The following NCMAP variants were observed in gnomAD, a reference collection of about 807,000 sequenced individuals.
The protein encoded by NCMAP is noncompact myelin-associated protein.
In NCMAP, 8 loss-of-function variants were observed where a neutral mutation model predicts 7.8. The observed-to-expected ratio is 1.02, with a 90% confidence interval of 0.60 to 1.84. The LOEUF (loss-of-function observed/expected upper bound fraction) is 1.84, where lower values mean the gene tolerates loss of function less well. Among genes scored for constraint, NCMAP ranks in the 40% most tolerant of loss-of-function variants. The pLI, the probability that NCMAP is intolerant of heterozygous loss-of-function variation, is 0.00. For missense variants in NCMAP, 112 were observed against 131.4 expected, an observed-to-expected ratio of 0.85 and a Z score of 0.72; for synonymous variants, 41 against 52.9, an observed-to-expected ratio of 0.78 and a Z score of 0.98.
intron 1 of NCMAP, among the ~76,000 whole-genome samples, chr1:24,582,832 G>A (rs1026521004): frequency 6.6e-6 from 1 of 152,166 alleles, no homozygotes; most frequent in Non-Finnish European, 1.5e-5. Flanking sequence ...GCTTTGCCAT[G>A]TATCAGCACA....
At chr1:24,595,331 A>T in intron 1 of NCMAP, 93 bp from the exon 2 acceptor site, 1 of 812,402 alleles carries the variant, frequency 1.2e-6, no homozygotes, top group Non-Finnish European at 2.0e-6. Context: ...TGAATATTCT[A>T]CAGTCATCCA....
At chr1:24,557,170 G>A (rs1482946070) in intron 1 of NCMAP, among the ~76,000 whole-genome samples, 1 of 152,144 alleles carries the variant, frequency 6.6e-6, no homozygotes, top group Admixed American at 6.5e-5. Flanking sequence ...GCACCAGCAC[G>A]GTGCCCAGCA....
At chr1:24,581,273 C>G (rs1017885282) in intron 1 of NCMAP, among the ~76,000 whole-genome samples, 1 of 152,048 alleles carries the variant, frequency 6.6e-6, no homozygotes, top group Admixed American at 6.5e-5. Context: ...CCCGCCACCA[C>G]GACTGGCTAA....
At chr1:24,565,461 G>C (rs1179178630) in intron 1 of NCMAP, among the ~76,000 whole-genome samples, 3 of 152,090 alleles carry the variant, frequency 2.0e-5, no homozygotes, top group Non-Finnish European at 4.4e-5. Context: ...GTTGGGAGGT[G>C]ACATTGTCTA....
chr1:24,600,804 C>G, intron 2 of NCMAP, 136 bp from the exon 3 acceptor site: 1 of 752,266 alleles, frequency 1.3e-6, no homozygotes, highest in Non-Finnish European at 2.4e-6. Context: ...CTGGGGTCAA[C>G]TGGGAGTGTC....
chr1:24,600,486 A>C (rs1228306026), intron 2 of NCMAP, among the ~76,000 whole-genome samples: 1 of 152,200 alleles, frequency 6.6e-6, no homozygotes, highest in Non-Finnish European at 1.5e-5. Context: ...ACACGATCAC[A>C]TTGGTGAATG....
chr1:24,556,564 G>C (rs1650901933), intron 1 of NCMAP, among the ~76,000 whole-genome samples: 1 of 152,174 alleles, frequency 6.6e-6, no homozygotes. Context: ...TTAAATGGGC[G>C]CCTTGATGGG....
At chr1:24,575,642 C>T (rs1651531389) in intron 1 of NCMAP, among the ~76,000 whole-genome samples, 1 of 152,062 alleles carries the variant, frequency 6.6e-6, no homozygotes, top group Non-Finnish European at 1.5e-5. Flanking sequence ...AGCAATTGCC[C>T]CGTTTTAAAA....
chr1:24,590,601 T>C (rs557947777), intron 1 of NCMAP, among the ~76,000 whole-genome samples: 1 of 152,112 alleles, frequency 6.6e-6, no homozygotes, highest in Non-Finnish European at 1.5e-5. Context: ...AAAATTTTAT[T>C]ATATTTATTT....
intron 1 of NCMAP, among the ~76,000 whole-genome samples, chr1:24,594,857 C>T (rs4649000): frequency 0.23 from 34,619 of 152,072 alleles, 4,958 homozygotes; most frequent in East Asian, 0.42. Context: ...CACCACTGCA[C>T]TCCAGCCTGG....
intron 3 of NCMAP, among the ~76,000 whole-genome samples, chr1:24,604,633 T>A (rs1438913629): frequency 3.9e-5 from 3 of 77,032 alleles, no homozygotes; most frequent in African/African-American, 2.0e-4. Context: ...TATATATATA[T>A]ATATATATAT....
intron 1 of NCMAP, among the ~76,000 whole-genome samples, chr1:24,564,435 C>A (rs373374627): frequency 7.0e-6 from 1 of 143,168 alleles, no homozygotes; most frequent in East Asian, 2.1e-4. Flanking sequence ...ATCACTTGAA[C>A]CCGGGAGACT....
chr1:24,570,105 T>C (rs1485409808), intron 1 of NCMAP, among the ~76,000 whole-genome samples: 1 of 148,960 alleles, frequency 6.7e-6, no homozygotes, highest in Non-Finnish European at 1.5e-5. Context: ...CCACCACACC[T>C]GGAAATTTTT....
Position 24,605,805 on chromosome 1 carries a change from C to T in NCMAP, c.*58C>T, listed in dbSNP as rs529845935. 1.9e-6 allele frequency: 3 copies of T among 1,586,896 alleles called. No homozygotes were observed. Among genetic ancestry groups the T allele is most frequent in the East Asian group, 4.5e-5 (2 of 44,310 alleles). On this transcript the variant is annotated 3_prime_UTR_variant, in exon 4 of 4. Coordinates refer to ENST00000374392, the MANE Select transcript of NCMAP (RefSeq NM_001010980.5). ...AAAGAGCCTCTCCAGAGTCAAGACC[C>T]AGAGGCACACTCTCTGGCAGCTTCA...
chr1:24,557,446 C>T (rs1299356163), intron 1 of NCMAP, among the ~76,000 whole-genome samples: 1 of 150,852 alleles, frequency 6.6e-6, no homozygotes, highest in African/African-American at 2.4e-5. Flanking sequence ...GGTGTGTGCA[C>T]GTGTGTGCGT....
rs148067965 is a variant in NCMAP at position 24,605,618 on chromosome 1, G to T, written c.180G>T (p.Thr60=). The part of the protein sequence containing the change: ...LLKMYNRKMR[T]RRELEPKGPK... Reference sequence around the variant, plus strand: ...TATCTCCCTACAGGAAAATGAGGACGAGGCGGGAACTAGAGCCCAAGGGCC... The same window carrying T: ...TATCTCCCTACAGGAAAATGAGGACTAGGCGGGAACTAGAGCCCAAGGGCC... The change falls in exon 4 of 4, where the codon ACG becomes ACT. Residue 60 remains threonine (T), a synonymous_variant. Transcript: ENST00000374392. 6.3e-5 allele frequency: 101 copies of T among 1,614,072 alleles called. No homozygotes were observed. The highest frequency in any genetic ancestry group is 8.5e-7 in the Non-Finnish European group (1 of 1,180,036).
At chr1:24,577,497 G>A (rs1188730248) in intron 1 of NCMAP, among the ~76,000 whole-genome samples, 3 of 139,618 alleles carry the variant, frequency 2.1e-5, no homozygotes, top group Non-Finnish European at 4.5e-5. Flanking sequence ...CTGGCCTCCA[G>A]CTCCTGGCCT....
At chr1:24,567,178 C>T (rs79288324) in intron 1 of NCMAP, among the ~76,000 whole-genome samples, 6,826 of 152,232 alleles carry the variant, frequency 0.045, 484 homozygotes, top group African/African-American at 0.15. Flanking sequence ...CATGCATTCA[C>T]GCATTTATTC....
intron 2 of NCMAP, among the ~76,000 whole-genome samples, chr1:24,598,379 C>T (rs1308981744): frequency 1.3e-5 from 2 of 152,024 alleles, no homozygotes; most frequent in African/African-American, 4.8e-5. Flanking sequence ...TCGTGGTTCC[C>T]CTTCTAATCA....
Sources: allele counts gnomAD v4.1 joint callset (sites outside exome capture counted in the v4.1 genomes callset), GRCh38; gene constraint gnomAD v4.1.1; transcripts MANE v1.5; gene names NCBI Gene and HGNC (gene_info 2026-07-23, HGNC 2026-07-21).